The following BPIFA2 variants were observed in gnomAD, a reference collection of about 807,000 sequenced individuals.
BPIFA2 encodes the protein BPI fold-containing family A member 2.
BPIFA2 carries 20 observed loss-of-function variants against 25.7 expected under a neutral mutation model. The ratio of observed to expected loss-of-function variants is 0.78; its 90% CI spans 0.55 to 1.13. BPIFA2 has a LOEUF of 1.13. BPIFA2 is among the 50% of genes most tolerant of loss of function. The pLI is 0.00. For synonymous variants in BPIFA2, 126 were observed against 124.3 expected (o/e 1.01, Z -0.09); for missense variants, 300 against 298.1 (o/e 1.01, Z -0.05).
chr20:33,176,897 C>T (rs1984097282), intron 5 of BPIFA2, among the ~76,000 whole-genome samples: 1 of 152,160 alleles, frequency 6.6e-6, no homozygotes. Flanking sequence ...ACCTAGAGCA[C>T]CTTCTTCTCA....
chr20:33,166,177 C>T (rs1399302252), upstream of BPIFA2, among the ~76,000 whole-genome samples: 9 of 152,006 alleles, frequency 5.9e-5, no homozygotes, highest in East Asian at 1.9e-4. Flanking sequence ...CCCCCACACC[C>T]GGCTAGATTT....
At chr20:33,169,426 T>G in intron 2 of BPIFA2, 124 bp downstream of exon 2, 2 of 891,436 alleles carry the variant, frequency 2.2e-6, no homozygotes, top group Non-Finnish European at 3.4e-6. Flanking sequence ...AAGTGGCTAT[T>G]CAATTCCTGA....
chr20:33,167,959 A>T (rs1045654747), upstream of BPIFA2, among the ~76,000 whole-genome samples: 1 of 152,212 alleles, frequency 6.6e-6, no homozygotes. Context: ...CTTGGCGGAA[A>T]GCCCTCTCCA....
chr20:33,179,629 T>G lies in BPIFA2; in HGVS notation c.671T>G (p.Ile224Ser). 1 of 1,613,136 alleles carries G rather than the reference T, an allele frequency of 6.2e-7. No homozygotes were observed. Among genetic ancestry groups the G allele is most frequent in the Non-Finnish European group, 8.5e-7 (1 of 1,179,214 alleles). Residue 224 changes from isoleucine (I) to serine (S), a missense_variant, in exon 7 of 9, where the codon ATC (isoleucine) becomes AGC (serine). Coordinates refer to ENST00000354932, the MANE Select transcript of BPIFA2 (RefSeq NM_080574.4). ...ATATGTCCACTGATCCGCATCTTCATCCACTCCCTGGATGTGAATGTCATT... is the reference window on the plus strand; with the variant it reads ...ATATGTCCACTGATCCGCATCTTCAGCCACTCCCTGGATGTGAATGTCATT... The part of the protein sequence containing the change: ...KEICPLIRIF[I>S]HSLDVNVIQQ...
At chr20:33,170,617 C>G (rs936413834) in intron 2 of BPIFA2, among the ~76,000 whole-genome samples, 33 of 152,192 alleles carry the variant, frequency 2.2e-4, no homozygotes, top group Non-Finnish European at 2.9e-5. Context: ...TGGTCTCGAA[C>G]TCCCGGCCTC....
At chr20:33,180,335 GGGGAA>G (rs1168770379) in intron 7 of BPIFA2, among the ~76,000 whole-genome samples, 180 bp from the exon 8 acceptor site, 1 of 152,170 alleles carries the variant, frequency 6.6e-6, no homozygotes, top group African/African-American at 2.4e-5. Context: ...ACAACCCTGT[GGGGAA>G]GGTACTGTCA....
At chr20:33,178,986 AATTCCAGGG>A (rs1984179014) in intron 6 of BPIFA2, among the ~76,000 whole-genome samples, 1 of 152,146 alleles carries the variant, frequency 6.6e-6, no homozygotes, top group Non-Finnish European at 1.5e-5. Context: ...GACCCTTTAA[AATTCCAGGG>A]TTCCAAAGTT....
At position 33,180,577 on chromosome 20, in the gene BPIFA2, G is replaced by A. The variant is rs771034655; in HGVS notation, c.*17G>A. Reference sequence around the variant, plus strand: ...CTCATCTGAAGAGGACGAATGAGGAGGACCACTGTGGTGCATGCTGGTGAG... The same window carrying A: ...CTCATCTGAAGAGGACGAATGAGGAAGACCACTGTGGTGCATGCTGGTGAG... On this transcript the variant is annotated 3_prime_UTR_variant, in exon 8 of 9. Coordinates refer to ENST00000354932, the MANE Select transcript of BPIFA2 (RefSeq NM_080574.4). The A allele has an allele frequency of 5.0e-6, 8 of 1,609,198 alleles. No individual in the cohort carries two copies. The highest frequency in any genetic ancestry group is 6.8e-6 in the Non-Finnish European group (8 of 1,175,620).
upstream of BPIFA2, among the ~76,000 whole-genome samples, chr20:33,164,088 C>T (rs1055674861): frequency 6.6e-6 from 1 of 152,174 alleles, no homozygotes; most frequent in African/African-American, 2.4e-5. Flanking sequence ...GTCTCTGGGA[C>T]AAGGACTGAG....
At position 33,169,826 on chromosome 20, in the gene BPIFA2, A is replaced by G. The variant is rs532435946; in HGVS notation, c.157+524A>G. On this transcript the variant is annotated intron_variant, in intron 2 of 8. Coordinates refer to ENST00000354932, the MANE Select transcript of BPIFA2 (RefSeq NM_080574.4). The stretch of plus-strand genomic sequence containing the variant: ...GCATATTTTTCTTTTGGGTTGTTTA[A>G]TATTCTTTTATGGACTTGTGTTAAT... 3.3e-5 allele frequency among the ~76,000 whole-genome samples: 5 copies of G among 152,250 alleles called. No homozygotes were observed. In the South Asian group the frequency reaches 1.0e-3, roughly 32 times the overall value.
At chr20:33,169,953 A>G (rs1983845470) in intron 2 of BPIFA2, among the ~76,000 whole-genome samples, 1 of 152,232 alleles carries the variant, frequency 6.6e-6, no homozygotes, top group Non-Finnish European at 1.5e-5. Flanking sequence ...ACCTATTAAA[A>G]TAACTTGGCT....
chr20:33,164,423 T>A (rs372136994), upstream of BPIFA2, among the ~76,000 whole-genome samples: 13 of 152,018 alleles, frequency 8.6e-5, no homozygotes, highest in East Asian at 2.5e-3. Flanking sequence ...GACCCTGTGC[T>A]GGGTACTGGG....
upstream of BPIFA2, among the ~76,000 whole-genome samples, chr20:33,163,468 G>T (rs1401895118): frequency 6.6e-6 from 1 of 152,102 alleles, no homozygotes; most frequent in African/African-American, 2.4e-5. Context: ...GGGTGCTAGC[G>T]CAATGGAGAT....
rs1406027612 is a variant in BPIFA2 at position 33,173,133 on chromosome 20, T to C, written c.302+57T>C. 1.6e-5 allele frequency: 25 copies of C among 1,568,014 alleles called. No individual in the cohort carries two copies. The South Asian group carries it at 2.4e-4, about 15-fold the overall frequency. On this transcript the variant is annotated intron_variant, in intron 3 of 8. Transcript: ENST00000354932. The stretch of plus-strand genomic sequence containing the variant: ...CTCTAAGGAAAGGGAAAACATATCT[T>C]TGAGGAGGTAAGTTTAAGATGAAAG...
At chr20:33,178,439 A>T (rs1984159998) in intron 6 of BPIFA2, among the ~76,000 whole-genome samples, 1 of 152,192 alleles carries the variant, frequency 6.6e-6, no homozygotes, top group Non-Finnish European at 1.5e-5. Flanking sequence ...CCAGGTCCCA[A>T]ACTTGAGCCT....
rs747109347 is a variant in BPIFA2, at chr20:33,172,695, C to T, written c.158-237C>T. On this transcript the variant is annotated intron_variant, in intron 2 of 8. Coordinates refer to ENST00000354932, the MANE Select transcript of BPIFA2 (RefSeq NM_080574.4). ...TAATCAGTATATATTATTAATAGTA[C>T]GGAGGCAGTATGGAGGAAACAAGAG... is the stretch of plus-strand genomic sequence containing the variant. Among the ~76,000 whole-genome samples, 20 of 151,980 alleles carry T rather than the reference C, an allele frequency of 1.3e-4. 1 individual carries two copies. The highest frequency in any genetic ancestry group is 8.5e-4 in the Admixed American group (13 of 15,250).
At chr20:33,176,497 AG>A (rs1259199270) in intron 5 of BPIFA2, among the ~76,000 whole-genome samples, 3 of 152,242 alleles carry the variant, frequency 2.0e-5, no homozygotes, top group Admixed American at 1.3e-4. Flanking sequence ...GGTTGCTCAA[AG>A]ACCCCTGAAA....
intron 2 of BPIFA2, among the ~76,000 whole-genome samples, chr20:33,170,347 C>T (rs1983858065): frequency 2.0e-5 from 3 of 152,128 alleles, no homozygotes; most frequent in African/African-American, 7.2e-5. Flanking sequence ...TGTTGTTTCT[C>T]ACTTGAATTA....
chr20:33,175,133 A>G (rs747025932), intron 4 of BPIFA2, among the ~76,000 whole-genome samples: 3 of 152,188 alleles, frequency 2.0e-5, no homozygotes, highest in Non-Finnish European at 4.4e-5. Context: ...CTACACATAA[A>G]TTGTTGTCAA....
Sources: gnomAD v4.1 joint callset for allele counts (sites outside exome capture counted in the v4.1 genomes callset) on GRCh38, gnomAD v4.1.1 for gene constraint, MANE v1.5 for transcripts, NCBI Gene and HGNC (gene_info 2026-07-23, HGNC 2026-07-21) for gene names.